Variants in HMSD observed in about 807,000 individuals in gnomAD.
The protein encoded by HMSD is serpin-like protein HMSD.
Under a neutral mutation model 10.0 loss-of-function variants are expected in HMSD, and 13 were observed. The ratio of observed to expected loss-of-function variants is 1.31; its 90% CI spans 0.85 to 2.08. HMSD has a LOEUF of 2.08. HMSD is among the 30% of genes most tolerant of loss of function. HMSD has a pLI of 0.00. For missense variants in HMSD, 169 were observed against 166.3 expected (o/e 1.02, Z -0.09); for synonymous variants, 51 against 54.2 (o/e 0.94, Z 0.26).
At position 63,960,471 on chromosome 18, in the gene HMSD, G is replaced by T; in HGVS notation, c.*116G>T. The T allele has an allele frequency of 7.2e-7, 1 of 1,385,406 alleles. No individual in the cohort carries two copies. Among genetic ancestry groups the T allele is most frequent in the Non-Finnish European group, 9.5e-7 (1 of 1,051,878 alleles). The allele number at this position is 1,385,406 out of a possible 1,614,324, so 85.8% of individuals were successfully genotyped here. A position where few individuals can be genotyped will look rare whatever the true frequency, so the allele number is the denominator to read the frequency against. On this transcript the variant is annotated 3_prime_UTR_variant, in exon 4 of 4. Transcript: ENST00000408945. ...AGCTTTTCCCTTATCAAGTATCTGT[G>T]ATGTCTCTCTAGATGAAATAATCTC...
chr18:63,959,746 C>T (rs1275866870), intron 3 of HMSD, among the ~76,000 whole-genome samples: 1 of 152,042 alleles, frequency 6.6e-6, no homozygotes, highest in African/African-American at 2.4e-5. Flanking sequence ...ATTGAAGTCT[C>T]CAGTTATAAT....
downstream of HMSD, among the ~76,000 whole-genome samples, chr18:63,963,201 T>G (rs555751421): frequency 7.2e-6 from 1 of 139,306 alleles, no homozygotes. Flanking sequence ...GCTTCCTTCC[T>G]TGCTTCCTTC....
At chr18:63,965,925 A>G (rs930356411), downstream of HMSD, among the ~76,000 whole-genome samples, 12 of 152,188 alleles carry the variant, frequency 7.9e-5, no homozygotes, top group Non-Finnish European at 1.5e-4. Flanking sequence ...TGCAGGTTCA[A>G]TGAGGGAAAG....
chr18:63,963,046 TTTTC>T (rs148830154), downstream of HMSD, among the ~76,000 whole-genome samples: 34 of 125,512 alleles, frequency 2.7e-4, 1 homozygote, highest in Middle Eastern at 7.9e-3. Context: ...TCAGATGTAG[TTTTC>T]TTTCTTTCTT....
intron 1 of HMSD, among the ~76,000 whole-genome samples, chr18:63,950,415 CAAAAA>C (rs562421091): frequency 3.0e-3 from 116 of 39,060 alleles, no homozygotes; most frequent in African/African-American, 4.3e-3. Flanking sequence ...GACTCTCTCT[CAAAAA>C]AAAAAAAAAA....
chr18:63,959,235 A>G (rs1165298892), intron 3 of HMSD, among the ~76,000 whole-genome samples: 2 of 152,158 alleles, frequency 1.3e-5, no homozygotes, highest in Non-Finnish European at 2.9e-5. Flanking sequence ...TTTTAGTTTT[A>G]TAAAAAACTT....
chr18:63,960,132 G>A, intron 3 of HMSD, 26 bp from the exon 4 acceptor site: 1 of 1,602,510 alleles, frequency 6.2e-7, no homozygotes, highest in Non-Finnish European at 8.5e-7. Flanking sequence ...CTGTAGCTGT[G>A]AAATTATGTT....
At chr18:63,965,557 C>T (rs192575774), downstream of HMSD, among the ~76,000 whole-genome samples, 41 of 152,242 alleles carry the variant, frequency 2.7e-4, no homozygotes, top group Middle Eastern at 3.4e-3. Flanking sequence ...TTTATAAGTT[C>T]CTTGAAATAC....
chr18:63,963,218 TCC>T (rs2050397613), downstream of HMSD, among the ~76,000 whole-genome samples: 1 of 78,508 alleles, frequency 1.3e-5, no homozygotes, highest in Admixed American at 1.5e-4. Context: ...CTTCCTTCCT[TCC>T]TTCCTTGCTT....
downstream of HMSD, chr18:63,961,972 A>C (rs2050388941): frequency 6.6e-6 from 1 of 152,138 alleles, no homozygotes; most frequent in African/African-American, 2.4e-5. Flanking sequence ...CCCAAATAAT[A>C]ATTCCATGTG....
At chr18:63,957,995 G>T (rs564714268) in intron 3 of HMSD, among the ~76,000 whole-genome samples, 1 of 152,126 alleles carries the variant, frequency 6.6e-6, no homozygotes, top group Non-Finnish European at 1.5e-5. Context: ...TCACCTAGGC[G>T]TGCAAGAAGT....
In HMSD at chr18:63,960,293, T is replaced by A. The variant is rs1366012772; in HGVS notation, c.358T>A (p.Phe120Ile). The change falls in exon 4 of 4, where the codon TTC becomes ATC. Residue 120 changes from phenylalanine to isoleucine, a missense_variant. Coordinates refer to ENST00000408945, the MANE Select transcript of HMSD (RefSeq NM_001123366.2). ...DKTKGENILL[F>I]YFDNILNSFI... ...AACTAAAGGTGAAAATATATTGTTA[T>A]TCTATTTCGATAATATTTTAAACAG... 1.2e-6 allele frequency: 2 copies of A among 1,609,234 alleles called. No individual in the cohort carries two copies. Among genetic ancestry groups the A allele is most frequent in the East Asian group, 4.5e-5 (2 of 44,686 alleles).
chr18:63,963,203 GCTTC>G (rs200514435), downstream of HMSD, among the ~76,000 whole-genome samples: 3,512 of 99,320 alleles, frequency 0.035, 181 homozygotes, highest in East Asian at 0.21. Context: ...TTCCTTCCTT[GCTTC>G]CTTCCTTCCT....
chr18:63,967,066 T>C (rs2050412809), intron 3 of HMSD, among the ~76,000 whole-genome samples: 1 of 152,220 alleles, frequency 6.6e-6, no homozygotes, highest in Non-Finnish European at 1.5e-5. Context: ...TGGCCGGGCA[T>C]ATATGAAGTA....
chr18:63,963,243 C>G (rs1329246052), downstream of HMSD, among the ~76,000 whole-genome samples: 4 of 148,366 alleles, frequency 2.7e-5, no homozygotes, highest in Non-Finnish European at 4.5e-5. Flanking sequence ...TTCCTTCCTT[C>G]CTTGCTTCCT....
chr18:63,958,211 A>G (rs1327664063), intron 3 of HMSD, among the ~76,000 whole-genome samples: 6 of 152,206 alleles, frequency 3.9e-5, no homozygotes, highest in Admixed American at 1.3e-4. Context: ...ATATTTCATC[A>G]GGACTTCACA....
chr18:63,952,562 T>G (rs909421949), intron 1 of HMSD, among the ~76,000 whole-genome samples: 2 of 152,234 alleles, frequency 1.3e-5, no homozygotes, highest in African/African-American at 4.8e-5. Flanking sequence ...GGCATGACTG[T>G]AATTTTTAAT....
chr18:63,956,912 T>C (rs1398850623), intron 3 of HMSD, among the ~76,000 whole-genome samples: 1 of 152,156 alleles, frequency 6.6e-6, no homozygotes, highest in Non-Finnish European at 1.5e-5. Flanking sequence ...TGAGATCATG[T>C]CCTTTGCAGC....
intron 3 of HMSD, among the ~76,000 whole-genome samples, chr18:63,969,051 C>T (rs908282551): frequency 2.0e-4 from 30 of 152,182 alleles, no homozygotes; most frequent in African/African-American, 7.2e-4. Flanking sequence ...AATTCCCAAA[C>T]TGGAGAGCTC....
Sources: gnomAD v4.1 joint callset for allele counts (sites outside exome capture counted in the v4.1 genomes callset) on GRCh38, gnomAD v4.1.1 for gene constraint, MANE v1.5 for transcripts, NCBI Gene and HGNC (gene_info 2026-07-23, HGNC 2026-07-21) for gene names.